NEBL: variants seen among roughly 807,000 people sequenced by gnomAD.
NEBL encodes nebulette, also known as LIM and SH3 protein 2.
In NEBL, 122 loss-of-function variants were observed where a neutral mutation model predicts 140.2. The observed-to-expected ratio is 0.87, with a 90% CI of 0.75 to 1.01. The LOEUF is 1.01. Ranked by LOEUF, NEBL falls within the 50% of genes least tolerant of loss-of-function variation. The pLI is 0.00. For synonymous variants in NEBL, 436 were observed against 398.9 expected (o/e 1.09, Z -1.11); for missense variants, 1,365 against 1,231.3 (o/e 1.11, Z -1.62).
intron 2 of NEBL, among the ~76,000 whole-genome samples, chr10:21,113,737 A>T (rs573410439): frequency 1.3e-5 from 2 of 152,234 alleles, no homozygotes; most frequent in African/African-American, 4.8e-5. Context: ...CATTCCATAC[A>T]TGCTTAAAGT....
intron 1 of NEBL, among the ~76,000 whole-genome samples, chr10:21,273,296 C>T (rs898088292): frequency 6.6e-6 from 1 of 152,164 alleles, no homozygotes; most frequent in Non-Finnish European, 1.5e-5. Flanking sequence ...TCCCAAGCAG[C>T]AGATTTCTCC....
At chr10:21,277,669 C>T (rs143510787) in intron 1 of NEBL, among the ~76,000 whole-genome samples, 124 of 152,284 alleles carry the variant, frequency 8.1e-4, no homozygotes, top group Non-Finnish European at 1.2e-3. Context: ...GTTACTGTGA[C>T]CAATTGTCAT....
intron 11 of NEBL, among the ~76,000 whole-genome samples, chr10:20,849,883 A>G (rs1240431333): frequency 6.6e-6 from 1 of 152,192 alleles, no homozygotes; most frequent in Non-Finnish European, 1.5e-5. Flanking sequence ...CTTAATCTAC[A>G]GAGAACACCT....
chr10:20,781,135 G>C lies in NEBL; in HGVS notation c.*4612C>G, dbSNP rs895845132. On this transcript the variant is annotated 3_prime_UTR_variant, in exon 28 of 28. Coordinates refer to ENST00000377122, the MANE Select transcript of NEBL (RefSeq NM_006393.3). ...AAGGCTTAAAGATTCACAGTGTAGA[G>C]GAAAAAAATATGAATTAAAGCATTT... The C allele has an allele frequency of 2.0e-5, 3 of 152,370 alleles. No individual in the cohort carries two copies. The highest frequency in any genetic ancestry group is 4.8e-5 in the African/African-American group (2 of 41,366). 9.4% of individuals were successfully genotyped at this position (152,370 alleles called of 1,614,324 possible).
chr10:20,870,343 A>AAC (rs1844800551), intron 5 of NEBL, among the ~76,000 whole-genome samples: 1 of 151,634 alleles, frequency 6.6e-6, no homozygotes, highest in African/African-American at 2.4e-5. Flanking sequence ...AAAAAAAAAA[A>AAC]AACTTGAACT....
Position 20,809,854 on chromosome 10 carries a change from C to A in NEBL, c.2563G>T (p.Asp855Tyr), listed in dbSNP as rs1354870289. The change falls in exon 25 of 28, where the codon GAT becomes TAT. Residue 855 changes from aspartate (D) to tyrosine (Y), a missense_variant. By Grantham distance (160) the Asp-to-Tyr change is radical. Transcript: ENST00000377122. ...RTDPGSIFDL[D>Y]PLEDNIQSRS... ...GACTGAATATTGTCTTCCAGGGGATCAAGGTCGAAGATGGAGCCAGGATCT... is the reference window on the plus strand; with the variant it reads ...GACTGAATATTGTCTTCCAGGGGATAAAGGTCGAAGATGGAGCCAGGATCT... 2 of 1,608,906 alleles carry A rather than the reference C, an allele frequency of 1.2e-6. No individual in the cohort carries two copies. Among genetic ancestry groups the A allele is most frequent in the East Asian group, 4.5e-5 (2 of 44,534 alleles).
In NEBL at chr10:21,173,647, G is replaced by A; in HGVS notation, c.69+118C>T. The A allele has an allele frequency of 6.5e-7, 1 of 1,538,832 alleles. No homozygotes were observed. Among genetic ancestry groups the A allele is most frequent in the Non-Finnish European group, 8.8e-7 (1 of 1,129,980 alleles). On this transcript the variant is annotated intron_variant, in intron 1 of 6. Coordinates refer to the NEBL transcript ENST00000417816. The surrounding 1 kb of genome is among the most constrained non-coding windows in gnomAD (Gnocchi z 5.7). The stretch of plus-strand genomic sequence containing the variant: ...TTCGCGCGCCCTCCCCCCGTGCCAA[G>A]GCACACGCACACGCACCGACCCACT...
At chr10:21,263,304 G>T (rs763506000) in intron 1 of NEBL, among the ~76,000 whole-genome samples, 7 of 152,116 alleles carry the variant, frequency 4.6e-5, no homozygotes, top group Admixed American at 1.3e-4. Context: ...ATTAAGAAGA[G>T]CCAGCAAATT....
intron 3 of NEBL, among the ~76,000 whole-genome samples, chr10:20,962,522 A>AT (rs1836101463): frequency 6.6e-6 from 1 of 152,204 alleles, no homozygotes; most frequent in Non-Finnish European, 1.5e-5. Context: ...TCTAATTACA[A>AT]CCCAATGGAG....
intron 3 of NEBL, among the ~76,000 whole-genome samples, chr10:20,989,570 G>C (rs1837381840): frequency 6.6e-6 from 1 of 152,142 alleles, no homozygotes; most frequent in Non-Finnish European, 1.5e-5. Context: ...TGAGAAGACA[G>C]GGAGGGAGGA....
chr10:21,129,554 C>T (rs11012540), intron 2 of NEBL, among the ~76,000 whole-genome samples: 6,477 of 151,872 alleles, frequency 0.043, 273 homozygotes, highest in East Asian at 0.22. Context: ...CTCATATATG[C>T]TTTTGTATAA....
intron 4 of NEBL, among the ~76,000 whole-genome samples, chr10:20,913,587 G>A (rs1848418411): frequency 1.3e-5 from 2 of 152,072 alleles, no homozygotes; most frequent in African/African-American, 2.4e-5. Flanking sequence ...TAGCAAAAAA[G>A]TACAAAAACC....
Position 20,845,342 on chromosome 10 carries a change from C to T in NEBL, c.1143G>A (p.Lys381=). 2 of 1,601,416 alleles carry T rather than the reference C, an allele frequency of 1.2e-6. No individual in the cohort carries two copies. Among genetic ancestry groups the T allele is most frequent in the South Asian group, 1.1e-5 (1 of 90,690 alleles). Reference sequence around the variant, plus strand: ...CCAGTGATGACCTTCCTTTAATCTCCTTCTCAAAATCCTCTTTGTAAACTT... The same window carrying T: ...CCAGTGATGACCTTCCTTTAATCTCTTTCTCAAAATCCTCTTTGTAAACTT... The part of the protein sequence containing the change: ...SEKVYKEDFE[K]EIKGRSSLDL... The change falls in exon 12 of 28, where the codon AAG becomes AAA. Residue 381 remains lysine, a synonymous_variant. Coordinates refer to ENST00000377122, the MANE Select transcript of NEBL (RefSeq NM_006393.3).
intron 2 of NEBL, among the ~76,000 whole-genome samples, chr10:21,066,501 T>C (rs1298624470): frequency 6.6e-6 from 1 of 152,166 alleles, no homozygotes; most frequent in African/African-American, 2.4e-5. Flanking sequence ...GGAAATGAAA[T>C]GATACACACC....
At chr10:21,275,287 G>A (rs955386024) in intron 1 of NEBL, among the ~76,000 whole-genome samples, 1 of 152,124 alleles carries the variant, frequency 6.6e-6, no homozygotes, top group Non-Finnish European at 1.5e-5. Flanking sequence ...TAAATACACT[G>A]GCTTTCTGCA....
intron 2 of NEBL, among the ~76,000 whole-genome samples, chr10:21,145,531 A>C (rs1032621632): frequency 6.6e-6 from 1 of 152,222 alleles, no homozygotes; most frequent in African/African-American, 2.4e-5. Flanking sequence ...CTGTTGAATA[A>C]ATGAATATGT....
At chr10:20,999,862 T>C (rs949905643) in intron 3 of NEBL, among the ~76,000 whole-genome samples, 1 of 152,070 alleles carries the variant, frequency 6.6e-6, no homozygotes, top group African/African-American at 2.4e-5. Context: ...ATCTATACTC[T>C]AATTCAAAGA....
intron 2 of NEBL, among the ~76,000 whole-genome samples, chr10:21,073,550 G>C (rs566590092): frequency 6.6e-6 from 1 of 150,778 alleles, no homozygotes; most frequent in South Asian, 2.1e-4. Context: ...CTGGGAGGTG[G>C]AGGTTGCAGT....
At chr10:21,046,863 G>A (rs1318183395) in intron 2 of NEBL, among the ~76,000 whole-genome samples, 1 of 152,074 alleles carries the variant, frequency 6.6e-6, no homozygotes, top group Admixed American at 6.5e-5. Flanking sequence ...CAGCCTCCCA[G>A]AGTGCTGGGA....
Sources: allele counts gnomAD v4.1 joint callset (sites outside exome capture counted in the v4.1 genomes callset), GRCh38; gene constraint gnomAD v4.1.1; non-coding constraint Gnocchi (gnomAD v3.1); transcripts MANE v1.5; gene names NCBI Gene and HGNC (gene_info 2026-07-23, HGNC 2026-07-21).